The following SFMBT1 variants were observed in gnomAD, a reference collection of about 807,000 sequenced individuals.
The protein encoded by SFMBT1 is Scm like with four mbt domains 1, also known as scm-like with four MBT domains protein 1.
In SFMBT1, 32 loss-of-function variants were observed where a neutral mutation model predicts 108.7. The ratio of observed to expected loss-of-function variants is 0.29; its 90% confidence interval spans 0.22 to 0.40. SFMBT1 has a LOEUF of 0.40. Ranked by LOEUF, SFMBT1 falls within the 10% of genes least tolerant of loss-of-function variation. The probability of loss-of-function intolerance (pLI) is 1.00; values close to 1 mark genes in which losing one functional copy is unlikely to be tolerated. For synonymous variants in SFMBT1, 348 were observed against 369.5 expected (o/e 0.94, Z 0.67); for missense variants, 816 against 1,059.6 (o/e 0.77, Z 3.19).
chr3:52,910,166 G>A (rs920385601), intron 17 of SFMBT1, among the ~76,000 whole-genome samples: 1 of 151,992 alleles, frequency 6.6e-6, no homozygotes, highest in African/African-American at 2.4e-5. Flanking sequence ...GTTCCCCACA[G>A]TATTTCTCTA....
intron 14 of SFMBT1, among the ~76,000 whole-genome samples, chr3:52,914,580 A>C (rs550570321): frequency 6.6e-6 from 1 of 152,058 alleles, no homozygotes; most frequent in East Asian, 1.9e-4. Flanking sequence ...AAAAACAAAA[A>C]CAAAAACAAA....
At chr3:52,943,909 C>T (rs1436454223) in intron 3 of SFMBT1, among the ~76,000 whole-genome samples, 1 of 152,070 alleles carries the variant, frequency 6.6e-6, no homozygotes, top group African/African-American at 2.4e-5. Flanking sequence ...ACATTGTTTA[C>T]AAGAATGATT....
intron 10 of SFMBT1, 81 bp downstream of exon 10, chr3:52,925,950 A>G: frequency 7.9e-7 from 1 of 1,270,466 alleles, no homozygotes. Flanking sequence ...TTATCTTCAG[A>G]GCAATAACAT....
chr3:53,027,862 G>A lies in SFMBT1; in HGVS notation c.-131+17954C>T, dbSNP rs537241856. 6.6e-4 allele frequency among the ~76,000 whole-genome samples: 100 copies of A among 152,288 alleles called. 1 individual carries two copies. Among genetic ancestry groups the A allele is most frequent in the South Asian group, 2.7e-3 (13 of 4,820 alleles). On this transcript the variant is annotated intron_variant, in intron 1 of 20. Transcript: ENST00000394752. ...TGTTCTTTAACCCATTTATGCTGGA[G>A]GTTGCAAATTTTTTTGTGTGAAAAC...
At chr3:52,982,729 CAAAAAAAAAAA>C (rs34099481) in intron 1 of SFMBT1, among the ~76,000 whole-genome samples, 150 of 69,120 alleles carry the variant, frequency 2.2e-3, no homozygotes, top group Admixed American at 5.2e-3. Flanking sequence ...ACTCCCATCT[CAAAAAAAAAAA>C]AAAAAAAAAA....
chr3:52,967,538 G>C (rs775102388), intron 2 of SFMBT1, among the ~76,000 whole-genome samples: 1 of 152,066 alleles, frequency 6.6e-6, no homozygotes, highest in African/African-American at 2.4e-5. Context: ...CTCTAAAAGG[G>C]TTGATTTTAT....
rs544308501 is a variant in SFMBT1, at chr3:53,014,372, A to G, written c.-131+31444T>C. ...GTAATGCCAGCACTTTGGGAGGCTG[A>G]GGCAGGAGAATCGCTTGAGCCCAGG... On this transcript the variant is annotated intron_variant, in intron 1 of 20. Coordinates refer to ENST00000394752, the MANE Select transcript of SFMBT1 (RefSeq NM_016329.4). Among the ~76,000 whole-genome samples the G allele has an allele frequency of 3.9e-5, 6 of 151,992 alleles. No individual in the cohort carries two copies. In the East Asian group the frequency reaches 7.8e-4, roughly 20 times the overall value.
intron 1 of SFMBT1, among the ~76,000 whole-genome samples, chr3:53,030,735 G>C (rs1369712252): frequency 6.9e-6 from 1 of 144,436 alleles, no homozygotes; most frequent in East Asian, 2.1e-4. Context: ...AAAAATATTT[G>C]GCTCCATTGT....
intron 2 of SFMBT1, among the ~76,000 whole-genome samples, chr3:52,962,432 G>A (rs1703991463): frequency 6.6e-6 from 1 of 152,136 alleles, no homozygotes; most frequent in African/African-American, 2.4e-5. Flanking sequence ...ATACTGATGT[G>A]GAATAATCTC....
In SFMBT1 at chr3:52,934,863, G is replaced by T; in HGVS notation, c.403C>A (p.Arg135=). 1 of 1,613,554 alleles carries T rather than the reference G, an allele frequency of 6.2e-7. No individual in the cohort carries two copies. The highest frequency in any genetic ancestry group is 8.5e-7 in the Non-Finnish European group (1 of 1,179,748). The change falls in exon 5 of 21, where the codon CGG becomes AGG. Residue 135 remains arginine (R), a synonymous_variant. Coordinates refer to ENST00000394752, the MANE Select transcript of SFMBT1 (RefSeq NM_016329.4). ...DKVSDWDEFL[R]QTLIGACSPP... is the part of the protein sequence containing the mutation. ...CTACATGCTCCTATCAGGGTCTGCC[G>T]CAGAAACTCATCCCAGTCAGATACT...
At chr3:52,942,736 A>G (rs568361839) in intron 4 of SFMBT1, among the ~76,000 whole-genome samples, 6 of 152,332 alleles carry the variant, frequency 3.9e-5, no homozygotes, top group Non-Finnish European at 8.8e-5. Context: ...GCTGGTCTCG[A>G]ACTCCTGACC....
chr3:53,026,139 A>ACAT (rs1252477338), intron 1 of SFMBT1, among the ~76,000 whole-genome samples: 1 of 152,216 alleles, frequency 6.6e-6, no homozygotes, highest in Non-Finnish European at 1.5e-5. Context: ...AACACCATAA[A>ACAT]CATCACTACA....
At chr3:52,929,687 A>G (rs1702799618) in intron 8 of SFMBT1, among the ~76,000 whole-genome samples, 1 of 152,220 alleles carries the variant, frequency 6.6e-6, no homozygotes, top group African/African-American at 2.4e-5. Flanking sequence ...TTAAATCTCA[A>G]TAGGTCAGAG....
At chr3:52,906,085 A>C in intron 20 of SFMBT1, 28 bp downstream of exon 20, 2 of 1,611,710 alleles carry the variant, frequency 1.2e-6, no homozygotes, top group Non-Finnish European at 8.5e-7. Flanking sequence ...AAGAGACATT[A>C]CTAAAAATTA....
intron 1 of SFMBT1, among the ~76,000 whole-genome samples, chr3:53,019,298 A>G (rs1699223252): frequency 6.6e-6 from 1 of 151,918 alleles, no homozygotes; most frequent in Non-Finnish European, 1.5e-5. Flanking sequence ...CCTTGTCTCA[A>G]AAAACAAACA....
chr3:52,915,035 GA>G (rs1368499375), intron 14 of SFMBT1, among the ~76,000 whole-genome samples: 2 of 152,190 alleles, frequency 1.3e-5, no homozygotes, highest in Middle Eastern at 3.2e-3. Context: ...CACCACACCT[GA>G]ATTAGGATCA....
rs761523684 is a variant in SFMBT1, at chr3:52,907,197, T to C, written c.2203A>G (p.Lys735Glu). Reference protein sequence around the residue: ...LQEESEMSEKKSCSSSPTQSE... With the variant: ...LQEESEMSEKESCSSSPTQSE... ...TGGGTGGGAGAAGAGGAGCATGACT[T>C]TTTTTCTGACATTTCTGATTCTTCC... The change falls in exon 19 of 21, where the codon AAG (lysine) becomes GAG (glutamate). Residue 735 changes from lysine (K) to glutamate (E), a missense_variant. Physicochemically the swap from Lys to Glu is moderately conservative, Grantham distance 56 (BLOSUM62 1). This residue lies in a region of SFMBT1 where 177 missense variants were observed against 182.0 expected (regional missense o/e 0.97). Coordinates refer to ENST00000394752, the MANE Select transcript of SFMBT1 (RefSeq NM_016329.4). 2 of 1,614,092 alleles carry C rather than the reference T, an allele frequency of 1.2e-6. No homozygotes were observed. Among genetic ancestry groups the C allele is most frequent in the East Asian group, 4.5e-5 (2 of 44,872 alleles).
At chr3:52,963,689 G>A (rs1180582950) in intron 2 of SFMBT1, among the ~76,000 whole-genome samples, 1 of 152,032 alleles carries the variant, frequency 6.6e-6, no homozygotes, top group African/African-American at 2.4e-5. Context: ...CTGGGCTCAA[G>A]CAATCCTCCT....
chr3:52,916,468 G>A (rs1174434457), intron 13 of SFMBT1, among the ~76,000 whole-genome samples: 1 of 149,726 alleles, frequency 6.7e-6, no homozygotes, highest in Non-Finnish European at 1.5e-5. Flanking sequence ...AGGAGATTGA[G>A]ACCATCCTGG....
Sources: allele counts gnomAD v4.1 joint callset (sites outside exome capture counted in the v4.1 genomes callset), GRCh38; gene constraint gnomAD v4.1.1; regional missense constraint gnomAD v4.1.1; transcripts MANE v1.5; gene names NCBI Gene and HGNC (gene_info 2026-07-23, HGNC 2026-07-21).